The following LINGO2 variants were observed in gnomAD, a reference collection of about 807,000 sequenced individuals.
The protein encoded by LINGO2 is leucine-rich repeat and immunoglobulin-like domain-containing nogo receptor-interacting protein 2.
Under a neutral mutation model 30.6 loss-of-function variants are expected in LINGO2, and 14 were observed. The ratio of observed to expected loss-of-function variants is 0.46; its 90% CI spans 0.30 to 0.72. LINGO2 has a LOEUF of 0.72. Among genes scored for constraint, LINGO2 ranks in the 30% least tolerant of loss-of-function variants. The probability of loss-of-function intolerance (pLI) is 0.07; values close to 1 mark genes in which losing one functional copy is unlikely to be tolerated. For synonymous variants in LINGO2, 317 were observed against 288.5 expected, an observed-to-expected ratio of 1.10 and a Z score of -1.00; for missense variants, 729 against 751.7, an observed-to-expected ratio of 0.97 and a Z score of 0.35.
At chr9:28,054,923 C>T (rs1475064599) in intron 4 of LINGO2, among the ~76,000 whole-genome samples, 5 of 151,900 alleles carry the variant, frequency 3.3e-5, no homozygotes, top group Non-Finnish European at 7.4e-5. Context: ...TTTTGTATGC[C>T]TCATACTACA....
chr9:28,034,751 T>G (rs1359329820), intron 4 of LINGO2, among the ~76,000 whole-genome samples: 2 of 152,234 alleles, frequency 1.3e-5, no homozygotes, highest in Non-Finnish European at 2.9e-5. Context: ...CTACTTATTT[T>G]TATAAATTAT....
At chr9:28,571,445 C>A (rs538928814) in intron 1 of LINGO2, among the ~76,000 whole-genome samples, 118 of 152,096 alleles carry the variant, frequency 7.8e-4, no homozygotes, top group African/African-American at 2.1e-3. Flanking sequence ...TAATAATTAT[C>A]GTTATCACAT....
chr9:29,132,058 G>T, the LINGO2 span, among the ~76,000 whole-genome samples: 2 of 151,968 alleles, frequency 1.3e-5, no homozygotes, highest in South Asian at 4.1e-4. Context: ...TGGCCATCAA[G>T]AAGCTACCCT....
rs1209447153 is a variant in LINGO2 at position 28,205,880 on chromosome 9, T to C, written c.-87+89328A>G. The stretch of plus-strand genomic sequence containing the variant: ...AGGTATGCTGATCTCCAATCTACTC[T>C]AGAAAGCAGAAAGTATGTCTGGCCA... On this transcript the variant is annotated intron_variant, in intron 4 of 5. Transcript: ENST00000379992. Among the ~76,000 whole-genome samples the C allele has an allele frequency of 9.9e-5, 15 of 152,096 alleles. 1 individual carries two copies. The highest frequency in any genetic ancestry group is 9.8e-4 in the Admixed American group (15 of 15,268).
intron 3 of LINGO2, among the ~76,000 whole-genome samples, chr9:28,358,283 T>A (rs917226240): frequency 6.6e-6 from 1 of 152,128 alleles, no homozygotes; most frequent in Admixed American, 6.6e-5. Context: ...GAAGTTAAGT[T>A]ACATCTCCAG....
the LINGO2 span, among the ~76,000 whole-genome samples, chr9:28,963,543 TACACACACACAC>T: frequency 2.1e-5 from 3 of 140,804 alleles, no homozygotes; most frequent in African/African-American, 2.7e-5. Flanking sequence ...GGTATATGAA[TACACACACACAC>T]ACACACACAC....
At chr9:28,690,891 T>A in the LINGO2 span, among the ~76,000 whole-genome samples, 1 of 152,190 alleles carries the variant, frequency 6.6e-6, no homozygotes, top group Non-Finnish European at 1.5e-5. Context: ...TGCCATCCCA[T>A]GGTTATTAAG....
intron 4 of LINGO2, among the ~76,000 whole-genome samples, chr9:28,233,277 C>T (rs917288766): frequency 9.9e-5 from 15 of 151,522 alleles, no homozygotes; most frequent in African/African-American, 3.4e-4. Context: ...AACAAATGGG[C>T]TCCAGTGAGT....
At chr9:29,207,130 C>T in the LINGO2 span, among the ~76,000 whole-genome samples, 1 of 150,990 alleles carries the variant, frequency 6.6e-6, no homozygotes, top group African/African-American at 2.4e-5. Context: ...TATACATAGA[C>T]AGAATATATA....
At chr9:28,777,123 A>T in the LINGO2 span, among the ~76,000 whole-genome samples, 8 of 152,148 alleles carry the variant, frequency 5.3e-5, no homozygotes, top group East Asian at 1.5e-3. Flanking sequence ...GAGGCCTCCC[A>T]ATCATGCTTC....
intron 4 of LINGO2, among the ~76,000 whole-genome samples, chr9:28,274,487 A>T (rs930719329): frequency 6.6e-6 from 1 of 152,244 alleles, no homozygotes; most frequent in Admixed American, 6.5e-5. Flanking sequence ...AGAAAACTAC[A>T]TCATGCATAA....
intron 1 of LINGO2, among the ~76,000 whole-genome samples, chr9:28,527,836 A>G (rs955551099): frequency 6.6e-6 from 1 of 152,206 alleles, no homozygotes; most frequent in African/African-American, 2.4e-5. Context: ...GACCTGGAAC[A>G]GAATGAGTGC....
At chr9:28,325,544 G>A (rs60534237) in intron 3 of LINGO2, among the ~76,000 whole-genome samples, 19,733 of 152,022 alleles carry the variant, frequency 0.13, 1,533 homozygotes, top group East Asian at 0.25. Context: ...AATTATGGGG[G>A]TGGTTTTCCC....
intron 1 of LINGO2, among the ~76,000 whole-genome samples, chr9:28,542,157 C>A (rs889545061): frequency 1.3e-5 from 2 of 152,088 alleles, no homozygotes; most frequent in Non-Finnish European, 2.9e-5. Flanking sequence ...GTGGATATTA[C>A]CTTCCAAAGT....
intron 1 of LINGO2, among the ~76,000 whole-genome samples, chr9:28,609,263 A>G (rs1825816237): frequency 6.6e-6 from 1 of 151,856 alleles, no homozygotes; most frequent in Non-Finnish European, 1.5e-5. Context: ...GATGCAAAAT[A>G]TATCATTATA....
chr9:28,005,701 A>C (rs1205551836), intron 5 of LINGO2, among the ~76,000 whole-genome samples: 1 of 152,146 alleles, frequency 6.6e-6, no homozygotes, highest in Non-Finnish European at 1.5e-5. Flanking sequence ...TGAGGGAAGT[A>C]AAAATGGCAA....
At chr9:28,758,824 A>T in the LINGO2 span, among the ~76,000 whole-genome samples, 6 of 152,088 alleles carry the variant, frequency 3.9e-5, no homozygotes, top group Non-Finnish European at 7.4e-5. Flanking sequence ...GTTGTTACTT[A>T]TGTAATAACG....
chr9:28,230,868 G>T (rs756671960), intron 4 of LINGO2, among the ~76,000 whole-genome samples: 1 of 151,708 alleles, frequency 6.6e-6, no homozygotes, highest in African/African-American at 2.4e-5. Context: ...AAATGTTGAC[G>T]TCACAGTTTT....
chr9:28,772,615 A>G, the LINGO2 span, among the ~76,000 whole-genome samples: 1 of 152,094 alleles, frequency 6.6e-6, no homozygotes, highest in African/African-American at 2.4e-5. Flanking sequence ...AGCATACCTT[A>G]TTTCTTCTAG....
Sources: gnomAD v4.1 joint callset for allele counts (sites outside exome capture counted in the v4.1 genomes callset) on GRCh38, gnomAD v4.1.1 for gene constraint, MANE v1.5 for transcripts, NCBI Gene and HGNC (gene_info 2026-07-23, HGNC 2026-07-21) for gene names.